The following UNC79 variants were observed in gnomAD, a reference collection of about 807,000 sequenced individuals.
The protein encoded by UNC79 is protein unc-79 homolog.
Under a neutral mutation model 283.1 loss-of-function variants are expected in UNC79, and 37 were observed. The ratio of observed to expected loss-of-function variants is 0.13; its 90% confidence interval spans 0.10 to 0.17. The LOEUF (loss-of-function observed/expected upper bound fraction) is 0.17. UNC79 is among the 10% of genes least tolerant of loss of function. The pLI, the probability that UNC79 is intolerant of heterozygous loss-of-function variation, is 1.00. For synonymous variants in UNC79, 1,107 were observed against 1,200.2 expected (o/e 0.92, Z 1.61); for missense variants, 2,272 against 3,211.1 (o/e 0.71, Z 7.07).
intron 1 of UNC79, among the ~76,000 whole-genome samples, chr14:93,372,182 C>T (rs1013530079): frequency 2.7e-5 from 4 of 150,452 alleles, no homozygotes; most frequent in Admixed American, 6.6e-5. Flanking sequence ...CTTAATTGGT[C>T]ATAAATAATT....
At position 93,634,483 on chromosome 14, in the gene UNC79, T is replaced by A. The variant is rs955680271; in HGVS notation, c.5717-2733T>A. 4.0e-6 allele frequency: 6 copies of A among 1,485,662 alleles called. No homozygotes were observed. The African/African-American group carries it at 8.3e-5, about 21-fold the overall frequency. 92.0% of individuals were successfully genotyped at this position (1,485,662 alleles called of 1,614,324 possible). ...GTGGAGCCTTTGTGTGCTGTGGAAA[T>A]TTATTATTATAATCATCTCCTAATT... On this transcript the variant is annotated intron_variant, in intron 31 of 48. Coordinates refer to ENST00000555664, the Ensembl canonical transcript of UNC79.
chr14:93,694,036 T>C (rs7147696), intron 46 of UNC79, among the ~76,000 whole-genome samples: 3,762 of 152,258 alleles, frequency 0.025, 113 homozygotes, highest in African/African-American at 0.073. Flanking sequence ...CAGAGGCCAT[T>C]TATCCCCTGG....
intron 1 of UNC79, among the ~76,000 whole-genome samples, chr14:93,404,867 C>T (rs369497812): frequency 6.9e-4 from 105 of 151,762 alleles, no homozygotes; most frequent in Middle Eastern, 6.8e-3. Flanking sequence ...TTATTATATA[C>T]GAAGCCAACT....
intron 14 of UNC79, among the ~76,000 whole-genome samples, chr14:93,551,533 A>G (rs958421753): frequency 6.6e-6 from 1 of 152,202 alleles, no homozygotes; most frequent in Admixed American, 6.5e-5. Flanking sequence ...TCAGTTGTTC[A>G]GCATTCCTTC....
chr14:93,526,437 A>C (rs1050433704), intron 8 of UNC79, among the ~76,000 whole-genome samples: 2 of 152,234 alleles, frequency 1.3e-5, no homozygotes, highest in East Asian at 3.8e-4. Flanking sequence ...GTGAAAAACA[A>C]TCAGTAATAC....
chr14:93,461,319 A>T (rs2056954202), intron 1 of UNC79, among the ~76,000 whole-genome samples: 1 of 152,264 alleles, frequency 6.6e-6, no homozygotes, highest in African/African-American at 2.4e-5. Flanking sequence ...AAAAGGAAAG[A>T]TTTAAAACTT....
At position 93,477,572 on chromosome 14, in the gene UNC79, A is replaced by G. The variant is rs760151516; in HGVS notation, c.463A>G (p.Ile155Val). 16 of 1,602,214 alleles carry G rather than the reference A, an allele frequency of 1.0e-5. No homozygotes were observed. The Admixed American group carries it at 2.6e-4, about 26-fold the overall frequency. Residue 155 changes from isoleucine to valine, a missense_variant, in exon 4 of 49, where the codon ATA becomes GTA. By Grantham distance (29) the Ile-to-Val change is conservative (BLOSUM62 3). Transcript: ENST00000555664. ...TTGTTTTGTAGATCTTGGACAGTCG[A>G]TATTTTATACAACTACATGTTTGCT...
Position 93,474,110 on chromosome 14 carries a change from G to A in UNC79, c.165G>A (p.Lys55=). The change falls in exon 3 of 49, where the codon AAG becomes AAA. Residue 55 remains lysine, a synonymous_variant. Coordinates refer to ENST00000555664, the Ensembl canonical transcript of UNC79. The surrounding 1 kb of genome is among the most constrained non-coding windows in gnomAD (Gnocchi z 4.1). ...ACAGCATTTTGTCCCGCACAGGGAA[G>A]AAGGAAAACCAAGATGCCTCCAATT... 1 of 1,535,798 alleles carries A rather than the reference G, an allele frequency of 6.5e-7. No individual in the cohort carries two copies.
chr14:93,425,957 TC>T (rs2055716955), upstream of UNC79, among the ~76,000 whole-genome samples: 2 of 152,288 alleles, frequency 1.3e-5, no homozygotes, highest in Admixed American at 1.3e-4. Context: ...GGTATCATTT[TC>T]CTTCAGCCTG....
chr14:93,449,090 G>T (rs918838539), intron 1 of UNC79, among the ~76,000 whole-genome samples: 2 of 152,210 alleles, frequency 1.3e-5, no homozygotes, highest in African/African-American at 4.8e-5. Context: ...GCTATAAGCA[G>T]TCTGTCCCCA....
chr14:93,337,779 C>T (rs34243429), intron 1 of UNC79, among the ~76,000 whole-genome samples: 23,847 of 152,148 alleles, frequency 0.16, 2,084 homozygotes, highest in East Asian at 0.31. Flanking sequence ...GCTCCCCAAA[C>T]TAGGGCTGTG....
intron 23 of UNC79, among the ~76,000 whole-genome samples, chr14:93,594,580 A>AT (rs1214235810): frequency 6.6e-6 from 1 of 152,126 alleles, no homozygotes; most frequent in Non-Finnish European, 1.5e-5. Context: ...AGAAACTGAG[A>AT]TTTTTAATAA....
chr14:93,519,956 A>G (rs1000781853), intron 7 of UNC79, among the ~76,000 whole-genome samples: 3 of 151,872 alleles, frequency 2.0e-5, no homozygotes, highest in African/African-American at 4.8e-5. Context: ...TGAGTAAAAA[A>G]GCCTTCTGTA....
rs538359517 is a variant in UNC79 at position 93,703,984 on chromosome 14, G to T, written c.7549-641G>T. Among the ~76,000 whole-genome samples the T allele has an allele frequency of 3.3e-5, 5 of 152,312 alleles. No homozygotes were observed. The South Asian group carries it at 1.0e-3, about 32-fold the overall frequency. ...AAGGAGCAGCTTCTGGAGGTCCTCA[G>T]GCCAGGGCACCTATGACCTCCTCCC... On this transcript the variant is annotated intron_variant, in intron 47 of 48. Transcript: ENST00000555664.
chr14:93,682,845 TCA>T, intron 42 of UNC79, 151 bp downstream of exon 45: 1 of 673,148 alleles, frequency 1.5e-6, no homozygotes, highest in Non-Finnish European at 2.5e-6. Context: ...ATTCTTTGAT[TCA>T]TAACATCTGT....
At chr14:93,451,436 G>T (rs2056638642) in intron 1 of UNC79, among the ~76,000 whole-genome samples, 1 of 152,220 alleles carries the variant, frequency 6.6e-6, no homozygotes, top group Non-Finnish European at 1.5e-5. Flanking sequence ...GGGGTTGGAG[G>T]GCAGGGTTTG....
chr14:93,413,274 G>T (rs1308833872), intron 1 of UNC79, among the ~76,000 whole-genome samples: 4 of 150,052 alleles, frequency 2.7e-5, no homozygotes, highest in African/African-American at 4.9e-5. Context: ...AGAATATGCG[G>T]TGTTTGGTTT....
intron 1 of UNC79, among the ~76,000 whole-genome samples, chr14:93,381,383 C>T (rs1342016193): frequency 6.6e-6 from 1 of 152,178 alleles, no homozygotes; most frequent in Admixed American, 6.5e-5. Context: ...AATGGAATCA[C>T]TCATGGAGCT....
chr14:93,676,971 G>A (rs2073396462), intron 41 of UNC79, among the ~76,000 whole-genome samples: 1 of 152,098 alleles, frequency 6.6e-6, no homozygotes, highest in South Asian at 2.1e-4. Context: ...GATTGAAGGG[G>A]TATTTTGGAG....
Sources: allele counts gnomAD v4.1 joint callset (sites outside exome capture counted in the v4.1 genomes callset), GRCh38; gene constraint gnomAD v4.1.1; non-coding constraint Gnocchi (gnomAD v3.1); transcripts MANE v1.5; gene names NCBI Gene and HGNC (gene_info 2026-07-23, HGNC 2026-07-21).